The following EHMT1 variants were observed in gnomAD, a reference collection of about 807,000 sequenced individuals.
EHMT1 encodes euchromatic histone lysine methyltransferase 1, also known as histone-lysine N-methyltransferase EHMT1.
Under a neutral mutation model 147.2 loss-of-function variants are expected in EHMT1, and 15 were observed. The observed-to-expected ratio is 0.10, with a 90% CI of 0.07 to 0.16. The LOEUF (loss-of-function observed/expected upper bound fraction) is 0.16, where lower values mean the gene tolerates loss of function less well. Among genes scored for constraint, EHMT1 ranks in the 10% least tolerant of loss-of-function variants. The pLI, the probability that EHMT1 is intolerant of heterozygous loss-of-function variation, is 1.00. For missense variants in EHMT1, 1,587 were observed against 1,772.4 expected, an observed-to-expected ratio of 0.90 and a Z score of 1.88; for synonymous variants, 795 against 709.6, an observed-to-expected ratio of 1.12 and a Z score of -1.91.
intron 4 of EHMT1, chr9:137,738,556 C>T (rs1336016269): frequency 6.6e-6 from 1 of 152,140 alleles, no homozygotes; most frequent in Non-Finnish European, 1.5e-5. Flanking sequence ...GCCCCAGCAG[C>T]ACTGAAAGCA....
At chr9:137,639,434 C>T (rs949311778) in intron 1 of EHMT1, among the ~76,000 whole-genome samples, 1 of 152,122 alleles carries the variant, frequency 6.6e-6, no homozygotes, top group Admixed American at 6.5e-5. Context: ...ACAGTACTGT[C>T]GAATTTTACA....
chr9:137,743,803 C>T, intron 5 of EHMT1, 99 bp from the exon 6 acceptor site: 1 of 1,416,360 alleles, frequency 7.1e-7, no homozygotes, highest in Non-Finnish European at 9.6e-7. Context: ...CCCCACAGGC[C>T]CTTGCACCTC....
chr9:137,759,458 G>A (rs1010444745), intron 9 of EHMT1, among the ~76,000 whole-genome samples: 1 of 152,212 alleles, frequency 6.6e-6, no homozygotes, highest in Non-Finnish European at 1.5e-5. Context: ...GCACATGAAG[G>A]CCGTTCCACC....
At chr9:137,833,056 C>T (rs1272833330) in intron 25 of EHMT1, 1 of 152,374 alleles carries the variant, frequency 6.6e-6, no homozygotes, top group African/African-American at 2.4e-5. Context: ...GCCTGGTTTA[C>T]TGTCTTGTCA....
rs149535210 is a variant in EHMT1 at position 137,743,594 on chromosome 9, G to A, written c.981+66G>A. 3.7e-4 allele frequency: 591 copies of A among 1,609,420 alleles called. 5 individuals carry two copies. In the East Asian group the frequency reaches 0.012, roughly 33 times the overall value. On this transcript the variant is annotated intron_variant, in intron 5 of 26. Coordinates refer to ENST00000460843, the MANE Select transcript of EHMT1 (RefSeq NM_024757.5). ...AATGCGTTTCTGTGTTCAGGGCCTC[G>A]TTATCAGTAATTTGGGTGACCTCAG... is the stretch of plus-strand genomic sequence containing the variant.
intron 9 of EHMT1, 76 bp from the exon 10 acceptor site, chr9:137,762,599 A>G: frequency 6.2e-7 from 1 of 1,607,638 alleles, no homozygotes; most frequent in East Asian, 2.2e-5. Flanking sequence ...CACTGTTGAG[A>G]CTATAATCGA....
chr9:137,691,106 C>T (rs1942889723), intron 1 of EHMT1, among the ~76,000 whole-genome samples: 1 of 151,922 alleles, frequency 6.6e-6, no homozygotes, highest in Non-Finnish European at 1.5e-5. Flanking sequence ...TCCATTCCTC[C>T]CTCCCCTCAG....
At chr9:137,714,708 A>G (rs542774953) in intron 2 of EHMT1, among the ~76,000 whole-genome samples, 3 of 151,814 alleles carry the variant, frequency 2.0e-5, no homozygotes. Flanking sequence ...GTGCACCTCC[A>G]TGCCCGGCTA....
rs184183827 is a variant in EHMT1, at chr9:137,768,133, A to T, written c.1647+5313A>T. Reference sequence around the variant, plus strand: ...TAGGCTCATGCAAGTACAGCCTGTGATGTTCAGACCAGCAAAATCACCCAG... The same window carrying T: ...TAGGCTCATGCAAGTACAGCCTGTGTTGTTCAGACCAGCAAAATCACCCAG... On this transcript the variant is annotated intron_variant, in intron 10 of 26. Transcript: ENST00000460843. Among the ~76,000 whole-genome samples, 7 of 152,264 alleles carry T rather than the reference A, an allele frequency of 4.6e-5. No homozygotes were observed. In the East Asian group the frequency reaches 1.3e-3, roughly 29 times the overall value.
At chr9:137,660,081 A>G (rs903399333) in intron 1 of EHMT1, among the ~76,000 whole-genome samples, 10 of 151,894 alleles carry the variant, frequency 6.6e-5, no homozygotes, top group African/African-American at 2.4e-4. Context: ...TCACACCTGT[A>G]GTCCCAGCAC....
At chr9:137,658,486 T>C (rs927359352) in intron 1 of EHMT1, among the ~76,000 whole-genome samples, 11 of 152,134 alleles carry the variant, frequency 7.2e-5, no homozygotes, top group African/African-American at 2.7e-4. Flanking sequence ...AGAATTGCTT[T>C]CCCTGGTTCT....
chr9:137,817,659 G>C (rs1955027878), intron 24 of EHMT1, 134 bp downstream of exon 24: 2 of 1,168,508 alleles, frequency 1.7e-6, no homozygotes. Flanking sequence ...GGGGGCCACA[G>C]AGACCCTGGC....
intron 7 of EHMT1, among the ~76,000 whole-genome samples, 182 bp from the exon 8 acceptor site, chr9:137,753,989 G>A (rs1949187390): frequency 6.6e-6 from 1 of 152,214 alleles, no homozygotes; most frequent in South Asian, 2.1e-4. Context: ...GAGAGTTAGG[G>A]AAAAGCGCAG....
chr9:137,805,295 T>A (rs528915126), intron 18 of EHMT1, among the ~76,000 whole-genome samples: 1 of 152,200 alleles, frequency 6.6e-6, no homozygotes, highest in African/African-American at 2.4e-5. Context: ...GAGTCAGTCA[T>A]CTGCATGTCT....
At chr9:137,700,972 C>G (rs1244493572) in intron 1 of EHMT1, among the ~76,000 whole-genome samples, 1 of 152,164 alleles carries the variant, frequency 6.6e-6, no homozygotes, top group Non-Finnish European at 1.5e-5. Context: ...AAGCCTCAAG[C>G]AACTTAAAAT....
intron 1 of EHMT1, among the ~76,000 whole-genome samples, chr9:137,675,612 G>C (rs4559316): frequency 0.47 from 63,813 of 136,342 alleles, 16,445 homozygotes; most frequent in African/African-American, 0.72. Context: ...TACAGGTGCC[G>C]GCCACCACGC....
intron 4 of EHMT1, among the ~76,000 whole-genome samples, chr9:137,737,220 A>G (rs1321800114): frequency 6.6e-6 from 1 of 152,218 alleles, no homozygotes; most frequent in Non-Finnish European, 1.5e-5. Context: ...TTAAAAAATA[A>G]TATATGTATA....
At chr9:137,639,824 T>C (rs1844353189) in intron 1 of EHMT1, among the ~76,000 whole-genome samples, 6 of 152,234 alleles carry the variant, frequency 3.9e-5, no homozygotes. Context: ...CACCTTAGAC[T>C]GCAAGGATGT....
Position 137,814,651 on chromosome 9 carries a change from G to A in EHMT1, c.3258+143G>A, listed in dbSNP as rs57336652. 0.025 allele frequency: 23,473 copies of A among 926,110 alleles called. 3,555 individuals carry two copies. In the African/African-American group the frequency reaches 0.34, roughly 13 times the overall value. The allele number at this position is 926,110 out of a possible 1,614,324, so 57.4% of individuals were successfully genotyped here. ...GAGGTGAGCTGGGTGTGACAGGCAG[G>A]GGAGGCACAGCGGGCACCAGCACCC... On this transcript the variant is annotated intron_variant, in intron 22 of 26. Coordinates refer to ENST00000460843, the MANE Select transcript of EHMT1 (RefSeq NM_024757.5).
Sources: gnomAD v4.1 joint callset for allele counts (sites outside exome capture counted in the v4.1 genomes callset) on GRCh38, gnomAD v4.1.1 for gene constraint, MANE v1.5 for transcripts, NCBI Gene and HGNC (gene_info 2026-07-23, HGNC 2026-07-21) for gene names.